The following GRIN2A variants were observed in gnomAD, a reference collection of about 807,000 sequenced individuals.
GRIN2A encodes the protein glutamate ionotropic receptor NMDA type subunit 2A.
GRIN2A carries 22 observed loss-of-function variants against 113.4 expected under a neutral mutation model. The ratio of observed to expected loss-of-function variants is 0.19; its 90% confidence interval spans 0.14 to 0.28. The LOEUF (loss-of-function observed/expected upper bound fraction) is 0.28, where lower values mean the gene tolerates loss of function less well. Among genes scored for constraint, GRIN2A ranks in the 10% least tolerant of loss-of-function variants. GRIN2A has a pLI of 1.00. For synonymous variants in GRIN2A, 827 were observed against 738.4 expected, an observed-to-expected ratio of 1.12 and a Z score of -1.94; for missense variants, 1,502 against 1,887.0, an observed-to-expected ratio of 0.80 and a Z score of 3.78.
intron 3 of GRIN2A, among the ~76,000 whole-genome samples, chr16:9,919,759 A>G (rs2044323338): frequency 6.6e-6 from 1 of 152,198 alleles, no homozygotes; most frequent in Non-Finnish European, 1.5e-5. Flanking sequence ...GGACCTAGAG[A>G]ACTTGGCTCC....
intron 2 of GRIN2A, among the ~76,000 whole-genome samples, chr16:10,113,713 T>C (rs1423816939): frequency 6.6e-6 from 1 of 152,180 alleles, no homozygotes; most frequent in Non-Finnish European, 1.5e-5. Flanking sequence ...CTTGTATAAA[T>C]ACAGATACAT....
intron 5 of GRIN2A, among the ~76,000 whole-genome samples, chr16:9,846,731 A>G (rs1454531751): frequency 1.3e-5 from 2 of 152,220 alleles, no homozygotes; most frequent in African/African-American, 2.4e-5. Flanking sequence ...AAGTAGGAAG[A>G]GCTAACCCAG....
chr16:9,998,913 T>C (rs1054032460), intron 2 of GRIN2A, among the ~76,000 whole-genome samples: 26 of 152,178 alleles, frequency 1.7e-4, no homozygotes, highest in African/African-American at 6.3e-4. Context: ...GATGGCTTGC[T>C]GAGGGACATA....
At chr16:9,895,712 C>T (rs1023735456) in intron 3 of GRIN2A, among the ~76,000 whole-genome samples, 1 of 152,146 alleles carries the variant, frequency 6.6e-6, no homozygotes, top group East Asian at 1.9e-4. Context: ...CCTCAGCTAG[C>T]GAAAATAAGT....
At chr16:9,999,861 T>A (rs971977714) in intron 2 of GRIN2A, among the ~76,000 whole-genome samples, 1 of 152,162 alleles carries the variant, frequency 6.6e-6, no homozygotes, top group African/African-American at 2.4e-5. Context: ...CGACTTAGAA[T>A]AACACACAAT....
At chr16:10,066,890 T>C (rs374519813) in intron 2 of GRIN2A, among the ~76,000 whole-genome samples, 44 of 152,186 alleles carry the variant, frequency 2.9e-4, no homozygotes, top group African/African-American at 9.9e-4. Flanking sequence ...CAAATGTCCA[T>C]TGACAGAAGA....
At chr16:9,888,886 T>G (rs1422847101) in intron 4 of GRIN2A, among the ~76,000 whole-genome samples, 1 of 152,146 alleles carries the variant, frequency 6.6e-6, no homozygotes, top group African/African-American at 2.4e-5. Flanking sequence ...TTTACTCTGT[T>G]AATGTGGTAA....
At chr16:9,969,640 G>T (rs1339884719) in intron 2 of GRIN2A, among the ~76,000 whole-genome samples, 3 of 152,142 alleles carry the variant, frequency 2.0e-5, no homozygotes, top group Non-Finnish European at 4.4e-5. Flanking sequence ...CAGCCATCCA[G>T]ATACCCTAGA....
At chr16:9,984,637 C>T (rs949864570) in intron 2 of GRIN2A, among the ~76,000 whole-genome samples, 1 of 152,146 alleles carries the variant, frequency 6.6e-6, no homozygotes, top group Non-Finnish European at 1.5e-5. Context: ...CCTCATTTTC[C>T]AGTAGTACCT....
chr16:9,822,958 G>C (rs1021098616), intron 9 of GRIN2A, among the ~76,000 whole-genome samples: 5 of 152,062 alleles, frequency 3.3e-5, no homozygotes, highest in African/African-American at 1.2e-4. Flanking sequence ...CACTCACTCA[G>C]TCATTCATTC....
chr16:10,179,241 A>G (rs941574570), intron 2 of GRIN2A, among the ~76,000 whole-genome samples: 3 of 152,186 alleles, frequency 2.0e-5, no homozygotes, highest in Admixed American at 6.5e-5. Flanking sequence ...ACCAAGACCC[A>G]TCTTTGTTCA....
At chr16:9,948,859 A>G (rs2045093621) in intron 2 of GRIN2A, among the ~76,000 whole-genome samples, 1 of 152,226 alleles carries the variant, frequency 6.6e-6, no homozygotes, top group Admixed American at 6.5e-5. Context: ...CAGGGTATGC[A>G]TAGCCACCCT....
rs183697651 is a variant in GRIN2A, at chr16:10,111,921, G to A, written c.414+68077C>T. The stretch of plus-strand genomic sequence containing the variant: ...CCACCCTCCTCAGTGAGGTGATGAC[G>A]CCAAGGATCAAGCTGATGGTGGCTC... On this transcript the variant is annotated intron_variant, in intron 2 of 12. Transcript: ENST00000330684. 3.5e-5 allele frequency: 28 copies of A among 793,682 alleles called. 1 individual carries two copies. The highest frequency in any genetic ancestry group is 1.7e-4 in the East Asian group (7 of 40,130). 49.2% of individuals were successfully genotyped at this position (793,682 alleles called of 1,614,324 possible).
chr16:10,110,177 A>G (rs184149090), intron 2 of GRIN2A, among the ~76,000 whole-genome samples: 1 of 152,316 alleles, frequency 6.6e-6, no homozygotes, highest in East Asian at 1.9e-4. Flanking sequence ...GAAGAACAAC[A>G]AGAAAGTTCT....
intron 2 of GRIN2A, among the ~76,000 whole-genome samples, chr16:10,136,268 C>T (rs554809483): frequency 3.3e-5 from 5 of 152,218 alleles, no homozygotes; most frequent in South Asian, 2.1e-4. Context: ...CACACACACA[C>T]GCAATATCAT....
At chr16:10,091,257 G>T (rs1023669629) in intron 2 of GRIN2A, among the ~76,000 whole-genome samples, 6 of 152,190 alleles carry the variant, frequency 3.9e-5, no homozygotes, top group African/African-American at 1.4e-4. Context: ...ATTCACAGGA[G>T]TATTATCCCT....
intron 2 of GRIN2A, among the ~76,000 whole-genome samples, chr16:10,070,097 C>T (rs1354592871): frequency 1.3e-5 from 2 of 152,206 alleles, no homozygotes; most frequent in Non-Finnish European, 2.9e-5. Flanking sequence ...GCAACGTCTG[C>T]TCTTCTCTAC....
chr16:10,115,823 T>C (rs568052109), intron 2 of GRIN2A, among the ~76,000 whole-genome samples: 1 of 152,316 alleles, frequency 6.6e-6, no homozygotes, highest in East Asian at 1.9e-4. Context: ...CAGGACTTTT[T>C]TTTTGTTTTA....
At chr16:9,772,106 TG>T (rs888167565) in intron 11 of GRIN2A, among the ~76,000 whole-genome samples, 2 of 152,198 alleles carry the variant, frequency 1.3e-5, no homozygotes, top group African/African-American at 4.8e-5. Context: ...ATCAATCGGT[TG>T]TGTAGGTAAA....
Sources: allele counts gnomAD v4.1 joint callset (sites outside exome capture counted in the v4.1 genomes callset), GRCh38; gene constraint gnomAD v4.1.1; transcripts MANE v1.5; gene names NCBI Gene and HGNC (gene_info 2026-07-23, HGNC 2026-07-21).